Variants in SLC39A12 observed in about 807,000 individuals in gnomAD.
The protein encoded by SLC39A12 is zinc transporter ZIP12.
A neutral mutation model predicts 71.1 loss-of-function variants in SLC39A12; 63 were observed. That is an observed-to-expected ratio of 0.89 (90% CI 0.72 to 1.09). SLC39A12 has a LOEUF of 1.09. SLC39A12 is among the 50% of genes least tolerant of loss of function. The pLI is 0.00. For missense variants in SLC39A12, 892 were observed against 812.6 expected, an observed-to-expected ratio of 1.10 and a Z score of -1.19; for synonymous variants, 351 against 301.3, an observed-to-expected ratio of 1.16 and a Z score of -1.71.
chr10:17,953,182 T>G lies in SLC39A12; in HGVS notation c.-86-9T>G. 6.8e-7 allele frequency: 1 copy of G among 1,461,980 alleles called. No homozygotes were observed. The highest frequency in any genetic ancestry group is 9.2e-7 in the Non-Finnish European group (1 of 1,082,712). 90.6% of individuals were successfully genotyped at this position (1,461,980 alleles called of 1,614,324 possible). A position where few individuals can be genotyped will look rare whatever the true frequency, so the allele number is the denominator to read the frequency against. On this transcript the variant is annotated splice_polypyrimidine_tract_variant and intron_variant, in intron 1 of 12. Transcript: ENST00000377369. ...TAATTGAAGGCTTTATTTTTCCCCT[T>G]TACCACAGAAATTCCTTTGGTTACA...
chr10:18,040,043 A>T (rs936434151), intron 12 of SLC39A12, among the ~76,000 whole-genome samples: 17 of 152,248 alleles, frequency 1.1e-4, no homozygotes, highest in Non-Finnish European at 5.9e-5. Context: ...CAACAGTTAC[A>T]TATAGTTCAA....
intron 12 of SLC39A12, among the ~76,000 whole-genome samples, chr10:18,041,081 G>A (rs1350576620): frequency 2.0e-5 from 3 of 152,078 alleles, no homozygotes; most frequent in East Asian, 1.9e-4. Flanking sequence ...TTGTTGACAC[G>A]AGCCTGTGTC....
At chr10:17,991,810 C>T (rs1048287874) in intron 8 of SLC39A12, among the ~76,000 whole-genome samples, 2 of 151,910 alleles carry the variant, frequency 1.3e-5, no homozygotes, top group Non-Finnish European at 2.9e-5. Context: ...AGATATGGGC[C>T]GGGCGCTGTG....
In SLC39A12 at chr10:17,977,982, C is replaced by A. The variant is rs756595075; in HGVS notation, c.832C>A (p.Gln278Lys). The A allele has an allele frequency of 4.8e-5, 77 of 1,611,366 alleles. No individual in the cohort carries two copies. In the South Asian group the frequency reaches 8.5e-4, roughly 18 times the overall value. ...GAAAATCCATCAATTTCAAAGGAAA[C>A]AAAACAACATAATAACCCATGATCA... ...NEKIHQFQRK[Q>K]NNIITHDQDY... The change falls in exon 5 of 13, where the codon CAA (glutamine) becomes AAA (lysine). Residue 278 changes from glutamine to lysine, a missense_variant. Coordinates refer to ENST00000377369, the MANE Select transcript of SLC39A12 (RefSeq NM_001145195.2).
In SLC39A12 at chr10:17,967,951, G is replaced by A. The variant is rs186143565; in HGVS notation, c.751+2261G>A. 5.4e-4 allele frequency among the ~76,000 whole-genome samples: 81 copies of A among 149,780 alleles called. No homozygotes were observed. In the East Asian group the frequency reaches 0.015, roughly 27 times the overall value. On this transcript the variant is annotated intron_variant, in intron 4 of 12. Coordinates refer to ENST00000377369, the MANE Select transcript of SLC39A12 (RefSeq NM_001145195.2). ...TTTATTTCCCTCACAGAGATTGTAGGCATTTGTTGTTATGTTTATACCTAT... is the reference window on the plus strand; with the variant it reads ...TTTATTTCCCTCACAGAGATTGTAGACATTTGTTGTTATGTTTATACCTAT...
chr10:18,031,629 C>A (rs1174967213), intron 12 of SLC39A12, among the ~76,000 whole-genome samples: 9 of 111,552 alleles, frequency 8.1e-5, no homozygotes, highest in South Asian at 3.1e-4. Flanking sequence ...GTTTCTTTTG[C>A]TGTGCAGAAG....
chr10:17,989,888 G>A lies in SLC39A12; in HGVS notation c.1270-1263G>A, dbSNP rs1835498727. Reference sequence around the variant, plus strand: ...AGCCGAGATCATGCCACTGCCCTGGGCAACAGAACGAGACTCTGTCTCACG... The same window carrying A: ...AGCCGAGATCATGCCACTGCCCTGGACAACAGAACGAGACTCTGTCTCACG... On this transcript the variant is annotated intron_variant, in intron 7 of 12. Coordinates refer to ENST00000377369, the MANE Select transcript of SLC39A12 (RefSeq NM_001145195.2). 3.3e-5 allele frequency among the ~76,000 whole-genome samples: 5 copies of A among 152,050 alleles called. No individual in the cohort carries two copies. In the South Asian group the frequency reaches 1.0e-3, roughly 32 times the overall value.
intron 5 of SLC39A12, among the ~76,000 whole-genome samples, chr10:17,980,335 A>AT (rs1049372162): frequency 2.0e-5 from 3 of 149,100 alleles, no homozygotes; most frequent in African/African-American, 7.3e-5. Context: ...AAGTGCCTTC[A>AT]TTAAAAAAAA....
intron 12 of SLC39A12, among the ~76,000 whole-genome samples, chr10:18,023,261 T>G (rs1269748989): frequency 6.6e-6 from 1 of 152,184 alleles, no homozygotes; most frequent in Non-Finnish European, 1.5e-5. Context: ...ATTAGAATGA[T>G]CAGTCCAGGG....
intron 2 of SLC39A12, 22 bp downstream of exon 2, chr10:17,953,559 C>A: frequency 6.2e-7 from 1 of 1,611,836 alleles, no homozygotes; most frequent in South Asian, 1.1e-5. Context: ...AGAATGGGGT[C>A]AGGTATCAGG....
At chr10:18,004,434 A>G (rs151146821) in intron 12 of SLC39A12, 1 of 152,314 alleles carries the variant, frequency 6.6e-6, no homozygotes, top group Non-Finnish European at 1.5e-5. Flanking sequence ...ATATTTCATG[A>G]GGAAAAAAAT....
intron 5 of SLC39A12, among the ~76,000 whole-genome samples, chr10:17,978,982 A>G (rs1835187616): frequency 6.6e-6 from 1 of 152,178 alleles, no homozygotes; most frequent in Non-Finnish European, 1.5e-5. Context: ...CCAAGTGTAG[A>G]GCCCAGAACT....
chr10:17,979,435 T>C (rs1169737699), intron 5 of SLC39A12, among the ~76,000 whole-genome samples: 1 of 152,242 alleles, frequency 6.6e-6, no homozygotes, highest in Non-Finnish European at 1.5e-5. Flanking sequence ...TTCTTGTTTC[T>C]CTCTCCATTC....
chr10:17,987,534 G>T lies in SLC39A12; in HGVS notation c.1152G>T (p.Gly384=), dbSNP rs1204503131. The part of the protein sequence containing the change: ...VTLLTLGSML[G]TALVLFHSCE... The stretch of plus-strand genomic sequence containing the variant: ...TTCTCACACTGGGCTCCATGCTGGG[G>T]ACAGCGCTGGTCCTTTTCCATAGCT... Residue 384 remains glycine, a synonymous_variant, in exon 7 of 13, where the codon GGG becomes GGT. Coordinates refer to ENST00000377369, the MANE Select transcript of SLC39A12 (RefSeq NM_001145195.2). The T allele has an allele frequency of 6.2e-7, 1 of 1,613,938 alleles. No individual in the cohort carries two copies. The highest frequency in any genetic ancestry group is 8.5e-7 in the Non-Finnish European group (1 of 1,180,004).
intron 12 of SLC39A12, among the ~76,000 whole-genome samples, chr10:18,012,741 C>A (rs1836262315): frequency 6.6e-6 from 1 of 151,962 alleles, no homozygotes; most frequent in Non-Finnish European, 1.5e-5. Flanking sequence ...GTGGCGCACA[C>A]CTGTAGTCCA....
In SLC39A12 at chr10:18,003,259, AT is replaced by A; in HGVS notation, c.1850del (p.Leu617TyrfsTer37). The A allele has an allele frequency of 1.9e-6, 3 of 1,614,078 alleles. No individual in the cohort carries two copies. Among genetic ancestry groups the A allele is most frequent in the Non-Finnish European group, 8.5e-7 (1 of 1,180,002 alleles). On this transcript the variant is annotated frameshift_variant, in exon 12 of 13. Transcript: ENST00000377369. LOFTEE classifies it high-confidence loss of function. ...FISSLTAFMG[L>X]YIGLSVSADP... ...TAAGCTCCCTAACTGCCTTCATGGG[AT>A]TATACATTGGCCTTTCCGTGTCAGC...
chr10:18,011,983 A>G (rs1836239540), intron 12 of SLC39A12, among the ~76,000 whole-genome samples: 1 of 152,204 alleles, frequency 6.6e-6, no homozygotes, highest in Admixed American at 6.5e-5. Context: ...ATAAGTTGAG[A>G]GCTGTGGTCT....
chr10:18,023,400 TCA>T (rs918070440), intron 12 of SLC39A12, among the ~76,000 whole-genome samples: 2 of 151,974 alleles, frequency 1.3e-5, no homozygotes, highest in African/African-American at 4.8e-5. Flanking sequence ...AGTAAAGAAC[TCA>T]GTCTTTTTGT....
At position 17,961,607 on chromosome 10, in the gene SLC39A12, A is replaced by G; in HGVS notation, c.288A>G (p.Leu96=). 6.2e-7 allele frequency: 1 copy of G among 1,613,608 alleles called. No homozygotes were observed. Among genetic ancestry groups the G allele is most frequent in the Middle Eastern group, 1.7e-4 (1 of 5,972 alleles). ...NLCFEPDALL[L]IAGGNFEDQL... ...GCTTTGAACCAGATGCACTATTACT[A>G]ATAGCTGGAGGAAATTTTGAAGATC... Residue 96 remains leucine, a synonymous_variant, in exon 3 of 13, where the codon CTA becomes CTG. Coordinates refer to ENST00000377369, the MANE Select transcript of SLC39A12 (RefSeq NM_001145195.2).
Sources: allele counts gnomAD v4.1 joint callset (sites outside exome capture counted in the v4.1 genomes callset), GRCh38; gene constraint gnomAD v4.1.1; transcripts MANE v1.5; gene names NCBI Gene and HGNC (gene_info 2026-07-23, HGNC 2026-07-21).